The following AGFG1 variants were observed in gnomAD, a reference collection of about 807,000 sequenced individuals.
AGFG1 encodes the protein arf-GAP domain and FG repeat-containing protein 1.
In AGFG1, 10 loss-of-function variants were observed where a neutral mutation model predicts 60.6. The ratio of observed to expected loss-of-function variants is 0.16; its 90% confidence interval spans 0.10 to 0.28. AGFG1 has a LOEUF of 0.28. AGFG1 is among the 10% of genes least tolerant of loss of function. The pLI is 1.00. For synonymous variants in AGFG1, 247 were observed against 242.9 expected (o/e 1.02, Z -0.16); for missense variants, 537 against 676.5 (o/e 0.79, Z 2.29).
intron 2 of AGFG1, among the ~76,000 whole-genome samples, chr2:227,512,868 G>GA (rs2106196516): frequency 6.6e-6 from 1 of 152,214 alleles, no homozygotes; most frequent in South Asian, 2.1e-4. Flanking sequence ...TACTAATAGA[G>GA]AAAGGACAAA....
intron 1 of AGFG1, among the ~76,000 whole-genome samples, chr2:227,481,098 GCTTTT>G (rs748914108): frequency 1.8e-5 from 1 of 55,162 alleles, no homozygotes; most frequent in Non-Finnish European, 3.3e-5. Flanking sequence ...AGTGTTTTAG[GCTTTT>G]TTTTTTTTTT....
chr2:227,532,304 T>C, intron 6 of AGFG1: 1 of 903,946 alleles, frequency 1.1e-6, no homozygotes, highest in South Asian at 1.9e-5. Context: ...AATAATTCTT[T>C]AGTGATAATC....
intron 2 of AGFG1, among the ~76,000 whole-genome samples, chr2:227,505,445 A>G (rs973807960): frequency 3.3e-5 from 5 of 152,048 alleles, no homozygotes; most frequent in African/African-American, 4.8e-5. Context: ...TGAGATTCCA[A>G]TTGCATGGAT....
At chr2:227,475,168 T>C (rs1690243941) in intron 1 of AGFG1, among the ~76,000 whole-genome samples, 1 of 152,220 alleles carries the variant, frequency 6.6e-6, no homozygotes, top group Non-Finnish European at 1.5e-5. Flanking sequence ...ATGAAGGGTT[T>C]ATTGATTGAT....
chr2:227,552,012 G>T lies in AGFG1; in HGVS notation c.1432G>T (p.Ala478Ser), dbSNP rs1255936564. ...MSMPTGFGTP[A>S]PYSLPTSFSG... Reference sequence around the variant, plus strand: ...CATGCCCACAGGATTCGGCACTCCTGCTCCCTACAGTCTTCCCACCAGCTT... The same window carrying T: ...CATGCCCACAGGATTCGGCACTCCTTCTCCCTACAGTCTTCCCACCAGCTT... Residue 478 changes from alanine (A) to serine (S), a missense_variant, in exon 11 of 13, where the codon GCT becomes TCT. Physicochemically the swap from Ala to Ser is moderately conservative, Grantham distance 99. This residue lies in a region of AGFG1 where 287 missense variants were observed against 343.6 expected (regional missense o/e 0.84). Coordinates refer to ENST00000310078, the MANE Select transcript of AGFG1 (RefSeq NM_004504.5). 8.7e-6 allele frequency: 14 copies of T among 1,614,052 alleles called. No homozygotes were observed. The highest frequency in any genetic ancestry group is 1.3e-5 in the African/African-American group (1 of 74,920).
At chr2:227,543,839 C>CTAT (rs1553550864) in intron 10 of AGFG1, among the ~76,000 whole-genome samples, 8 of 151,102 alleles carry the variant, frequency 5.3e-5, no homozygotes, top group African/African-American at 1.7e-4. Context: ...CTGGGTTCTC[C>CTAT]TGTATTGGGT....
At chr2:227,554,206 C>CT (rs1692903084) in intron 12 of AGFG1, among the ~76,000 whole-genome samples, 2 of 152,250 alleles carry the variant, frequency 1.3e-5, no homozygotes, top group Admixed American at 6.5e-5. Context: ...TTCTTAGAAT[C>CT]TATTACAAGA....
intron 1 of AGFG1, among the ~76,000 whole-genome samples, chr2:227,474,310 C>T (rs1160512479): frequency 6.6e-6 from 1 of 152,126 alleles, no homozygotes; most frequent in African/African-American, 2.4e-5. Flanking sequence ...TCCTTTAATC[C>T]ATGTAAAGTA....
intron 10 of AGFG1, among the ~76,000 whole-genome samples, chr2:227,538,989 G>T (rs1284161138): frequency 6.6e-6 from 1 of 152,064 alleles, no homozygotes; most frequent in Non-Finnish European, 1.5e-5. Context: ...ACCTTTATTA[G>T]ATTATTATTG....
intron 10 of AGFG1, among the ~76,000 whole-genome samples, chr2:227,539,850 G>C (rs1692432287): frequency 6.7e-6 from 1 of 150,276 alleles, no homozygotes; most frequent in Non-Finnish European, 1.5e-5. Flanking sequence ...TTGTTGGTTT[G>C]TTTTAGACAG....
intron 1 of AGFG1, 66 bp from the exon 2 acceptor site, chr2:227,491,481 A>G (rs1206798376): frequency 1.6e-5 from 16 of 970,504 alleles, no homozygotes; most frequent in South Asian, 7.0e-5. Flanking sequence ...ATTTTGAATT[A>G]CTAGATGTGT....
chr2:227,508,546 G>A (rs2039804739), intron 2 of AGFG1: 2 of 458,726 alleles, frequency 4.4e-6, no homozygotes, highest in South Asian at 3.2e-5. Flanking sequence ...ATGTGAGGTA[G>A]GGAGGCAAGA....
chr2:227,540,814 A>G (rs1692470120), intron 10 of AGFG1, among the ~76,000 whole-genome samples: 1 of 152,230 alleles, frequency 6.6e-6, no homozygotes, highest in South Asian at 2.1e-4. Context: ...TCCCACCAGC[A>G]GTGTAAAAGT....
At chr2:227,523,727 A>C in intron 3 of AGFG1, 36 bp from the exon 4 acceptor site, 3 of 1,553,502 alleles carry the variant, frequency 1.9e-6, no homozygotes, top group Non-Finnish European at 2.6e-6. Flanking sequence ...AATTACCTAC[A>C]TTTTTTTTTA....
intron 1 of AGFG1, among the ~76,000 whole-genome samples, chr2:227,480,034 C>G (rs978085358): frequency 5.3e-5 from 8 of 152,154 alleles, no homozygotes; most frequent in African/African-American, 1.9e-4. Context: ...ATAATTATAC[C>G]TTACTTTTAT....
At chr2:227,539,583 C>A (rs1028999323) in intron 10 of AGFG1, among the ~76,000 whole-genome samples, 2 of 151,470 alleles carry the variant, frequency 1.3e-5, no homozygotes, top group African/African-American at 2.4e-5. Flanking sequence ...ATGGCGAACC[C>A]CGTTTCTACA....
At chr2:227,514,502 A>G (rs766486027) in intron 2 of AGFG1, among the ~76,000 whole-genome samples, 1 of 152,074 alleles carries the variant, frequency 6.6e-6, no homozygotes, top group African/African-American at 2.4e-5. Context: ...CCAAACTAAT[A>G]CTATTTAAAG....
rs374884706 is a variant in AGFG1 at position 227,560,075 on chromosome 2, GCTCTCTCT to G, written c.*5583_*5590del. On this transcript the variant is annotated 3_prime_UTR_variant, in exon 13 of 13. Transcript: ENST00000310078. ...AATGTTATCGTTTATTTTATATATG[GCTCTCTCT>G]CTGTATGCCTCTTCCTGTTCTTATT... 6.6e-6 allele frequency: 1 copy of G among 151,732 alleles called. No homozygotes were observed. Among genetic ancestry groups the G allele is most frequent in the Non-Finnish European group, 1.5e-5 (1 of 67,912 alleles). The allele number at this position is 151,732 out of a possible 1,614,324, so 9.4% of individuals were successfully genotyped here.
chr2:227,511,318 G>T (rs565247673), intron 2 of AGFG1, among the ~76,000 whole-genome samples: 8 of 152,302 alleles, frequency 5.3e-5, no homozygotes, highest in Admixed American at 5.2e-4. Context: ...ATAGTCCATG[G>T]TTGTAGGTAT....
Sources: allele counts gnomAD v4.1 joint callset (sites outside exome capture counted in the v4.1 genomes callset), GRCh38; gene constraint gnomAD v4.1.1; regional missense constraint gnomAD v4.1.1; transcripts MANE v1.5; gene names NCBI Gene and HGNC (gene_info 2026-07-23, HGNC 2026-07-21).